Variants in IL1RAPL2 observed in about 807,000 individuals in gnomAD.
The protein encoded by IL1RAPL2 is X-linked interleukin-1 receptor accessory protein-like 2.
In IL1RAPL2, 3 loss-of-function variants were observed where a neutral mutation model predicts 44.1. The observed-to-expected ratio is 0.07, with a 90% CI of 0.03 to 0.18. IL1RAPL2 has a LOEUF of 0.18. Ranked by LOEUF, IL1RAPL2 falls within the 10% of genes least tolerant of loss-of-function variation. The pLI, the probability that IL1RAPL2 is intolerant of heterozygous loss-of-function variation, is 1.00. For missense variants in IL1RAPL2, 391 were observed against 496.4 expected (o/e 0.79, Z 2.02); for synonymous variants, 181 against 178.8 (o/e 1.01, Z -0.10).
At chrX:105,283,181 A>G (rs956232513) in intron 5 of IL1RAPL2, among the ~76,000 whole-genome samples, 2 of 111,940 alleles carry the variant, frequency 1.8e-5, no homozygotes, top group African/African-American at 3.2e-5. Flanking sequence ...ATAAACTAAA[A>G]AAGGTATGAT....
At chrX:105,679,445 C>CAGAT (rs1427246395) in intron 6 of IL1RAPL2, among the ~76,000 whole-genome samples, 1 of 111,667 alleles carries the variant, frequency 9.0e-6, no homozygotes, top group African/African-American at 3.3e-5. Context: ...GGGAACCAGG[C>CAGAT]AGATATTATA....
Position 104,799,644 on chromosome X carries a change from T to C in IL1RAPL2, c.82+140649T>C, listed in dbSNP as rs541474068. 2.7e-5 allele frequency among the ~76,000 whole-genome samples: 3 copies of C among 112,251 alleles called. No individual in the cohort carries two copies. In the South Asian group the frequency reaches 1.1e-3, roughly 42 times the overall value. ...ACTAAATGTTTCCATTTTGACTTATTTAAAACATCACCTAAACATGTATAT... is the reference window on the plus strand; with the variant it reads ...ACTAAATGTTTCCATTTTGACTTATCTAAAACATCACCTAAACATGTATAT... On this transcript the variant is annotated intron_variant, in intron 2 of 10. Coordinates refer to ENST00000372582, the MANE Select transcript of IL1RAPL2 (RefSeq NM_017416.2).
chrX:105,069,859 A>G (rs1421719957), intron 2 of IL1RAPL2, among the ~76,000 whole-genome samples: 1 of 112,130 alleles, frequency 8.9e-6, no homozygotes, highest in Non-Finnish European at 1.9e-5. Context: ...CCATTGAATA[A>G]TTCAAGAATT....
chrX:105,070,706 T>TA (rs1179681133), intron 2 of IL1RAPL2, among the ~76,000 whole-genome samples: 2 of 105,359 alleles, frequency 1.9e-5, no homozygotes, highest in African/African-American at 7.3e-5. Flanking sequence ...AAAATAAAAA[T>TA]AAAAAAATAT....
intron 2 of IL1RAPL2, among the ~76,000 whole-genome samples, chrX:104,818,343 CAAAAAA>C (rs768639524): frequency 3.6e-5 from 1 of 27,437 alleles, no homozygotes; most frequent in Non-Finnish European, 7.6e-5. Context: ...GACTCCGTCT[CAAAAAA>C]AAAAAAAAAA....
intron 2 of IL1RAPL2, among the ~76,000 whole-genome samples, chrX:104,974,719 C>T (rs145024024): frequency 1.5e-4 from 17 of 112,186 alleles, no homozygotes; most frequent in Admixed American, 2.8e-4. Context: ...AATGTTCAAG[C>T]GGCTGCTTGT....
At chrX:104,907,620 A>G (rs1924061364) in intron 2 of IL1RAPL2, among the ~76,000 whole-genome samples, 1 of 111,430 alleles carries the variant, frequency 9.0e-6, no homozygotes, top group African/African-American at 3.3e-5. Context: ...GTTTTGAGTG[A>G]GATTCTTAAT....
chrX:104,625,548 TCTC>T (rs1929487953), intron 1 of IL1RAPL2, among the ~76,000 whole-genome samples: 1 of 109,446 alleles, frequency 9.1e-6, no homozygotes, highest in Non-Finnish European at 1.9e-5. Context: ...TTTTTCTTCT[TCTC>T]TTCTCTGCTC....
intron 2 of IL1RAPL2, among the ~76,000 whole-genome samples, chrX:104,946,917 T>C (rs1925392629): frequency 1.1e-5 from 1 of 94,005 alleles, no homozygotes; most frequent in Admixed American, 1.2e-4. Context: ...TTATAGTCCT[T>C]TGGGTATATA....
chrX:104,816,496 G>A (rs1471431684), intron 2 of IL1RAPL2, among the ~76,000 whole-genome samples: 4 of 111,982 alleles, frequency 3.6e-5, no homozygotes. Context: ...TTCCTAGAAT[G>A]ACCTCATCTC....
At chrX:105,056,001 A>C (rs2031987615) in intron 2 of IL1RAPL2, among the ~76,000 whole-genome samples, 1 of 112,093 alleles carries the variant, frequency 8.9e-6, no homozygotes, top group South Asian at 3.7e-4. Context: ...TCGAATGTCT[A>C]TTCTTTGTGT....
intron 6 of IL1RAPL2, among the ~76,000 whole-genome samples, chrX:105,647,523 G>C: frequency 9.0e-6 from 1 of 111,437 alleles, no homozygotes; most frequent in Non-Finnish European, 1.9e-5. Context: ...TACCTGATGC[G>C]TCAGGTGTCA....
At chrX:104,799,527 C>T (rs1052879442) in intron 2 of IL1RAPL2, among the ~76,000 whole-genome samples, 1 of 111,578 alleles carries the variant, frequency 9.0e-6, no homozygotes, top group Non-Finnish European at 1.9e-5. Flanking sequence ...GACCACATTT[C>T]GAGAACCATT....
chrX:104,876,094 C>T (rs948344946), intron 2 of IL1RAPL2, among the ~76,000 whole-genome samples: 2 of 111,237 alleles, frequency 1.8e-5, no homozygotes, highest in Non-Finnish European at 3.8e-5. Flanking sequence ...AATAGAGAAA[C>T]TACCACTACT....
chrX:104,964,843 T>G (rs917523607), intron 2 of IL1RAPL2, among the ~76,000 whole-genome samples: 5 of 110,483 alleles, frequency 4.5e-5, no homozygotes, highest in Non-Finnish European at 9.4e-5. Context: ...CTTGCTCTAC[T>G]GTTGCCCAGG....
intron 2 of IL1RAPL2, among the ~76,000 whole-genome samples, chrX:104,673,751 G>C (rs763857522): frequency 9.3e-6 from 1 of 108,100 alleles, no homozygotes; most frequent in Admixed American, 9.8e-5. Context: ...TCTTCCATTT[G>C]TTTGTATCCT....
rs1474748846 is a variant in IL1RAPL2 at position 105,549,343 on chromosome X, A to G, written c.772+64956A>G. Among the ~76,000 whole-genome samples, 3 of 112,403 alleles carry G rather than the reference A, an allele frequency of 2.7e-5. No individual in the cohort carries two copies. In the Admixed American group the frequency reaches 2.8e-4, roughly 11 times the overall value. ...ATTATTCTTAAATCAACAAGTTGTT[A>G]GGAATTATAGAAACCTTAACCTTCA... On this transcript the variant is annotated intron_variant, in intron 6 of 10. Coordinates refer to ENST00000372582, the MANE Select transcript of IL1RAPL2 (RefSeq NM_017416.2).
At chrX:105,061,210 G>C (rs1195503386) in intron 2 of IL1RAPL2, among the ~76,000 whole-genome samples, 2 of 110,922 alleles carry the variant, frequency 1.8e-5, no homozygotes, top group Non-Finnish European at 3.8e-5. Flanking sequence ...TACTTTCACT[G>C]TATCCCATAG....
intron 1 of IL1RAPL2, among the ~76,000 whole-genome samples, chrX:104,586,374 T>G (rs1602632161): frequency 8.9e-6 from 1 of 112,264 alleles, no homozygotes; most frequent in East Asian, 2.8e-4. Context: ...TGCAAATATT[T>G]TCATTTATTC....
Sources: allele counts gnomAD v4.1 joint callset (sites outside exome capture counted in the v4.1 genomes callset), GRCh38; gene constraint gnomAD v4.1.1; transcripts MANE v1.5; gene names NCBI Gene and HGNC (gene_info 2026-07-23, HGNC 2026-07-21).